The following USP46 variants were observed in gnomAD, a reference collection of about 807,000 sequenced individuals.
USP46 encodes ubiquitin specific peptidase 46.
A neutral mutation model predicts 44.4 loss-of-function variants in USP46; 12 were observed. The ratio of observed to expected loss-of-function variants is 0.27; its 90% CI spans 0.17 to 0.44. The LOEUF is 0.44. USP46 is among the 20% of genes least tolerant of loss of function. USP46 has a pLI of 1.00. For missense variants in USP46, 248 were observed against 444.8 expected, an observed-to-expected ratio of 0.56 and a Z score of 3.98; for synonymous variants, 155 against 161.5, an observed-to-expected ratio of 0.96 and a Z score of 0.31.
At chr4:52,640,639 TA>T (rs768974353) in intron 1 of USP46, among the ~76,000 whole-genome samples, 12 of 148,130 alleles carry the variant, frequency 8.1e-5, no homozygotes, top group Non-Finnish European at 9.0e-5. Flanking sequence ...TGTCTCTACT[TA>T]AAAAAAAAAT....
chr4:52,592,828 C>G lies in USP46; in HGVS notation c.*4812G>C, dbSNP rs1308924213. 5 of 397,844 alleles carry G rather than the reference C, an allele frequency of 1.3e-5. No homozygotes were observed. The highest frequency in any genetic ancestry group is 2.1e-5 in the African/African-American group (1 of 48,428). The allele number at this position is 397,844 out of a possible 1,614,324, so 24.6% of individuals were successfully genotyped here. ...CACTCCAGCCTGGGTGACAGTGAGACTCCATCTTAAAAAAAAAAAAGGAAA... is the reference window on the plus strand; with the variant it reads ...CACTCCAGCCTGGGTGACAGTGAGAGTCCATCTTAAAAAAAAAAAAGGAAA... On this transcript the variant is annotated 3_prime_UTR_variant, in exon 9 of 9. Coordinates refer to ENST00000441222, the MANE Select transcript of USP46 (RefSeq NM_022832.4).
rs550336570 is a variant in USP46, at chr4:52,602,015, G to A, written c.762C>T (p.His254=). 2 of 1,613,746 alleles carry A rather than the reference G, an allele frequency of 1.2e-6. No individual in the cohort carries two copies. Among genetic ancestry groups the A allele is most frequent in the African/African-American group, 2.7e-5 (2 of 75,006 alleles). ...VKKLPMILAL[H]LKRFKYMEQL... ...GCTCCATGTACTTGAACCGCTTTAGGTGCAGGGCCAAGATCATGGGCAGCT... is the reference window on the plus strand; with the variant it reads ...GCTCCATGTACTTGAACCGCTTTAGATGCAGGGCCAAGATCATGGGCAGCT... The change falls in exon 7 of 9, where the codon CAC becomes CAT. Residue 254 remains histidine, a synonymous_variant. Coordinates refer to ENST00000441222, the MANE Select transcript of USP46 (RefSeq NM_022832.4).
At chr4:52,654,757 G>A (rs1418052423) in intron 1 of USP46, among the ~76,000 whole-genome samples, 1 of 152,104 alleles carries the variant, frequency 6.6e-6, no homozygotes, top group East Asian at 1.9e-4. Context: ...TTATCCTGAG[G>A]CTGTTCTACA....
chr4:52,658,196 T>A (rs1404421130), intron 1 of USP46: 1 of 455,502 alleles, frequency 2.2e-6, no homozygotes, highest in East Asian at 6.9e-5. Context: ...AGCAATGCCT[T>A]ACTCCAATCT....
intron 1 of USP46, among the ~76,000 whole-genome samples, chr4:52,642,312 G>A (rs1373051618): frequency 1.3e-5 from 2 of 152,190 alleles, no homozygotes; most frequent in African/African-American, 4.8e-5. Flanking sequence ...ATAACTCTAT[G>A]AGGCAGACAC....
At chr4:52,638,617 T>TTA (rs1284814226) in intron 1 of USP46, among the ~76,000 whole-genome samples, 1 of 148,128 alleles carries the variant, frequency 6.8e-6, no homozygotes, top group Non-Finnish European at 1.5e-5. Flanking sequence ...ATGCCCTAAA[T>TTA]TATATATATA....
At chr4:52,653,935 T>G (rs1242343795) in intron 1 of USP46, among the ~76,000 whole-genome samples, 1 of 152,164 alleles carries the variant, frequency 6.6e-6, no homozygotes, top group Non-Finnish European at 1.5e-5. Flanking sequence ...CATACCAAAA[T>G]TCCACTTAGT....
intron 4 of USP46, among the ~76,000 whole-genome samples, chr4:52,617,666 G>T (rs1464692041): frequency 1.1e-4 from 17 of 152,134 alleles, no homozygotes; most frequent in African/African-American, 2.4e-4. Flanking sequence ...AAATAATGTG[G>T]TTTTTTTGGG....
intron 1 of USP46, among the ~76,000 whole-genome samples, chr4:52,653,952 T>A (rs1298002673): frequency 3.9e-5 from 6 of 152,158 alleles, no homozygotes; most frequent in Non-Finnish European, 7.4e-5. Context: ...TAGTGAAGAA[T>A]AAATAAACAG....
chr4:52,656,212 T>C (rs1186417648), intron 1 of USP46: 13 of 1,413,894 alleles, frequency 9.2e-6, no homozygotes, highest in Non-Finnish European at 1.2e-5. Flanking sequence ...TCAAACCAGC[T>C]GGGACCAAAG....
At chr4:52,602,181 A>G in intron 6 of USP46, 127 bp from the exon 7 acceptor site, 1 of 1,040,308 alleles carries the variant, frequency 9.6e-7, no homozygotes, top group Non-Finnish European at 1.4e-6. Context: ...ACAACCAAAC[A>G]GTTTGCAAGG....
chr4:52,636,106 C>T (rs1718105950), intron 1 of USP46, among the ~76,000 whole-genome samples: 2 of 152,172 alleles, frequency 1.3e-5, no homozygotes, highest in Admixed American at 1.3e-4. Flanking sequence ...GGAGATTGTC[C>T]TGGATTCTCC....
intron 1 of USP46, among the ~76,000 whole-genome samples, chr4:52,639,623 T>A (rs1022502239): frequency 6.6e-6 from 1 of 152,188 alleles, no homozygotes; most frequent in African/African-American, 2.4e-5. Context: ...TGGCCACACC[T>A]AGCTGCAAGG....
At chr4:52,624,950 T>A (rs1717517816) in intron 4 of USP46, among the ~76,000 whole-genome samples, 1 of 152,210 alleles carries the variant, frequency 6.6e-6, no homozygotes, top group Non-Finnish European at 1.5e-5. Context: ...AATGAATTTC[T>A]GTTGTTTAAG....
chr4:52,600,351 C>G (rs1238646637), intron 7 of USP46, among the ~76,000 whole-genome samples: 2 of 152,132 alleles, frequency 1.3e-5, no homozygotes, highest in Non-Finnish European at 2.9e-5. Context: ...AGCTCCCTAA[C>G]CTCAAAGCTT....
chr4:52,610,215 C>T (rs369744499), intron 5 of USP46, among the ~76,000 whole-genome samples: 24 of 152,034 alleles, frequency 1.6e-4, no homozygotes, highest in African/African-American at 4.6e-4. Flanking sequence ...TGAGCCACCG[C>T]GCCCGGCCTC....
intron 4 of USP46, among the ~76,000 whole-genome samples, chr4:52,616,258 G>A (rs752469674): frequency 5.3e-5 from 8 of 152,098 alleles, no homozygotes; most frequent in Non-Finnish European, 1.0e-4. Context: ...TAATGCACAG[G>A]GCTGTCCCCA....
chr4:52,632,246 A>G (rs1228117600), intron 1 of USP46, among the ~76,000 whole-genome samples: 1 of 152,200 alleles, frequency 6.6e-6, no homozygotes, highest in Non-Finnish European at 1.5e-5. Flanking sequence ...GAGCAATTCT[A>G]CTATTAAACC....
intron 8 of USP46, 107 bp downstream of exon 8, chr4:52,598,521 A>G (rs530820786): frequency 1.6e-5 from 19 of 1,204,198 alleles, no homozygotes; most frequent in Non-Finnish European, 2.2e-5. Flanking sequence ...TTGTTTTCAA[A>G]TTACATTATG....
Sources: allele counts gnomAD v4.1 joint callset (sites outside exome capture counted in the v4.1 genomes callset), GRCh38; gene constraint gnomAD v4.1.1; transcripts MANE v1.5; gene names NCBI Gene and HGNC (gene_info 2026-07-23, HGNC 2026-07-21).